The following OSBPL3 variants were observed in gnomAD, a reference collection of about 807,000 sequenced individuals.
The protein encoded by OSBPL3 is oxysterol binding protein like 3, also known as oxysterol-binding protein-related protein 3.
OSBPL3 carries 65 observed loss-of-function variants against 120.1 expected under a neutral mutation model. The observed-to-expected ratio is 0.54, with a 90% CI of 0.44 to 0.67. OSBPL3 has a LOEUF of 0.67. Ranked by LOEUF, OSBPL3 falls within the 30% of genes least tolerant of loss-of-function variation. OSBPL3 has a pLI of 0.00. For synonymous variants in OSBPL3, 416 were observed against 402.6 expected (o/e 1.03, Z -0.40); for missense variants, 1,004 against 1,082.1 (o/e 0.93, Z 1.01).
intron 10 of OSBPL3, among the ~76,000 whole-genome samples, chr7:24,857,404 C>T (rs1310607389): frequency 1.3e-5 from 2 of 152,212 alleles, no homozygotes; most frequent in Non-Finnish European, 2.9e-5. Flanking sequence ...TTGGTCATTT[C>T]TGTTTCTGCT....
At chr7:24,931,453 GCGT>G (rs1156833742) in intron 1 of OSBPL3, among the ~76,000 whole-genome samples, 1 of 152,142 alleles carries the variant, frequency 6.6e-6, no homozygotes, top group Non-Finnish European at 1.5e-5. Context: ...TTATAAGAGG[GCGT>G]CAGGAGATGT....
intron 1 of OSBPL3, among the ~76,000 whole-genome samples, chr7:24,963,285 G>C (rs994734361): frequency 2.6e-5 from 4 of 152,146 alleles, no homozygotes; most frequent in South Asian, 2.1e-4. Context: ...ACCAAAGAAG[G>C]GGGTGTTGGA....
intron 20 of OSBPL3, among the ~76,000 whole-genome samples, chr7:24,809,078 C>A (rs1018441668): frequency 2.0e-5 from 3 of 152,138 alleles, no homozygotes; most frequent in Admixed American, 6.5e-5. Flanking sequence ...GCCACCCCCC[C>A]CACTCACTTA....
chr7:24,843,187 G>A (rs1443927767), intron 12 of OSBPL3, among the ~76,000 whole-genome samples: 3 of 152,098 alleles, frequency 2.0e-5, no homozygotes, highest in Middle Eastern at 3.2e-3. Context: ...CAAGGTTTGT[G>A]GACTGAATGA....
intron 2 of OSBPL3, among the ~76,000 whole-genome samples, chr7:24,878,605 T>C (rs986514665): frequency 4.6e-5 from 7 of 152,250 alleles, no homozygotes; most frequent in Non-Finnish European, 1.0e-4. Flanking sequence ...ACCAAAACTG[T>C]ACTCACATTT....
intron 1 of OSBPL3, among the ~76,000 whole-genome samples, chr7:24,945,425 T>A (rs1034241492): frequency 6.6e-6 from 1 of 152,254 alleles, no homozygotes; most frequent in Non-Finnish European, 1.5e-5. Context: ...ATTGGAGATA[T>A]ATCAGTGACA....
In OSBPL3 at chr7:24,854,852, G is replaced by C. The variant is rs1484150736; in HGVS notation, c.1028-2218C>G. Among the ~76,000 whole-genome samples the C allele has an allele frequency of 6.6e-6, 1 of 152,212 alleles. No homozygotes were observed. Among genetic ancestry groups the C allele is most frequent in the African/African-American group, 2.4e-5 (1 of 41,446 alleles). On this transcript the variant is annotated intron_variant, in intron 10 of 22. Transcript: ENST00000313367. The surrounding 1 kb of genome is among the most constrained non-coding windows in gnomAD (Gnocchi z 4.1). ...TGGTTGTCATGAGGATTGAATGAGAGAGGGAATGCAGGTAAAGCACATAAC... is the reference window on the plus strand; with the variant it reads ...TGGTTGTCATGAGGATTGAATGAGACAGGGAATGCAGGTAAAGCACATAAC...
rs1289696642 is a variant in OSBPL3 at position 24,805,166 on chromosome 7, T to A, written c.2445-729A>T. ...TAATTTATATATTACTGAACTGCCC[T>A]TTATGGGGATCATACCCAATTTATA... On this transcript the variant is annotated intron_variant, in intron 21 of 22. Coordinates refer to ENST00000313367, the MANE Select transcript of OSBPL3 (RefSeq NM_015550.4). The surrounding 1 kb of genome is among the most constrained non-coding windows in gnomAD (Gnocchi z 4.0). Among the ~76,000 whole-genome samples the A allele has an allele frequency of 6.6e-6, 1 of 152,238 alleles. No individual in the cohort carries two copies. The highest frequency in any genetic ancestry group is 2.4e-5 in the African/African-American group (1 of 41,452).
At chr7:24,943,067 C>T (rs1382527196) in intron 1 of OSBPL3, among the ~76,000 whole-genome samples, 2 of 152,224 alleles carry the variant, frequency 1.3e-5, no homozygotes, top group Non-Finnish European at 2.9e-5. Context: ...CAACCCAGGG[C>T]TAGAAGAAAT....
At chr7:24,977,280 A>G (rs1330827118) in intron 1 of OSBPL3, among the ~76,000 whole-genome samples, 4 of 152,188 alleles carry the variant, frequency 2.6e-5, no homozygotes, top group African/African-American at 7.2e-5. Flanking sequence ...ACAAAAATCA[A>G]TGGCAGTAAG....
Position 24,834,267 on chromosome 7 carries a change from G to A in OSBPL3, c.1746+219C>T. The A allele has an allele frequency of 7.3e-7, 1 of 1,362,804 alleles. No individual in the cohort carries two copies. The highest frequency in any genetic ancestry group is 3.0e-5 in the East Asian group (1 of 33,732). 84.4% of individuals were successfully genotyped at this position (1,362,804 alleles called of 1,614,324 possible). A position where few individuals can be genotyped will look rare whatever the true frequency, so the allele number is the denominator to read the frequency against. The stretch of plus-strand genomic sequence containing the variant: ...AACAGAACTACCCCAGGCACCAAGT[G>A]CCACGGAGAAGCACCCCAACCCCGT... On this transcript the variant is annotated intron_variant, in intron 15 of 22. Coordinates refer to ENST00000313367, the MANE Select transcript of OSBPL3 (RefSeq NM_015550.4). This position sits in a 1 kb window ranked among gnomAD's most constrained non-coding sequence, Gnocchi z 5.2.
At position 24,830,646 on chromosome 7, in the gene OSBPL3, G is replaced by T; in HGVS notation, c.1884+122C>A. Reference sequence around the variant, plus strand: ...TCGATCCCTCCCTTTATGTTGAAAAGCACTGTAATTATCTCGGCTGCTTTG... The same window carrying T: ...TCGATCCCTCCCTTTATGTTGAAAATCACTGTAATTATCTCGGCTGCTTTG... On this transcript the variant is annotated intron_variant, in intron 16 of 22. Coordinates refer to ENST00000313367, the MANE Select transcript of OSBPL3 (RefSeq NM_015550.4). This position sits in a 1 kb window ranked among gnomAD's most constrained non-coding sequence, Gnocchi z 4.4. 1 of 980,480 alleles carries T rather than the reference G, an allele frequency of 1.0e-6. No individual in the cohort carries two copies. Among genetic ancestry groups the T allele is most frequent in the South Asian group, 1.7e-5 (1 of 59,456 alleles). 60.7% of individuals were successfully genotyped at this position (980,480 alleles called of 1,614,324 possible).
chr7:24,951,450 AAT>A (rs1297394465), intron 1 of OSBPL3, among the ~76,000 whole-genome samples: 2 of 152,246 alleles, frequency 1.3e-5, no homozygotes, highest in Non-Finnish European at 2.9e-5. Flanking sequence ...AATGTTATTA[AAT>A]ATATACATCA....
intron 1 of OSBPL3, among the ~76,000 whole-genome samples, chr7:24,974,266 C>T (rs182559012): frequency 6.6e-6 from 1 of 152,150 alleles, no homozygotes; most frequent in East Asian, 1.9e-4. Context: ...CCCTCCTCAC[C>T]CCCAGATTAT....
At chr7:24,842,105 A>G (rs895739184) in intron 13 of OSBPL3, among the ~76,000 whole-genome samples, 174 bp downstream of exon 13, 1 of 152,154 alleles carries the variant, frequency 6.6e-6, no homozygotes, top group East Asian at 1.9e-4. Context: ...CTTCTCACAT[A>G]TAGTATCATT....
intron 19 of OSBPL3, 117 bp from the exon 20 acceptor site, chr7:24,810,068 T>C (rs1402051027): frequency 3.7e-6 from 4 of 1,083,548 alleles, no homozygotes; most frequent in East Asian, 2.4e-5. Flanking sequence ...ATACTGCATA[T>C]TAGTTTGCTA....
At position 24,973,976 on chromosome 7, in the gene OSBPL3, A is replaced by C. The variant is rs568852782; in HGVS notation, c.-150+5910T>G. Among the ~76,000 whole-genome samples, 5 of 152,344 alleles carry C rather than the reference A, an allele frequency of 3.3e-5. 1 individual carries two copies. The South Asian group carries it at 1.0e-3, about 32-fold the overall frequency. ...AGTAGACAAAGAGTAAAAGAAAACA[A>C]GTTAGTTTTAATTACACAGTATTAC... On this transcript the variant is annotated intron_variant, in intron 1 of 22. Coordinates refer to ENST00000313367, the MANE Select transcript of OSBPL3 (RefSeq NM_015550.4).
intron 1 of OSBPL3, among the ~76,000 whole-genome samples, chr7:24,942,896 T>C (rs953844582): frequency 3.3e-5 from 5 of 152,172 alleles, no homozygotes; most frequent in Non-Finnish European, 7.4e-5. Flanking sequence ...CCTGTCACTG[T>C]ACAGATTTCA....
At chr7:24,869,555 G>A (rs1010126556) in intron 5 of OSBPL3, among the ~76,000 whole-genome samples, 1 of 152,208 alleles carries the variant, frequency 6.6e-6, no homozygotes, top group African/African-American at 2.4e-5. Flanking sequence ...GTCATAACTG[G>A]AGAAGGATGC....
Sources: allele counts gnomAD v4.1 joint callset (sites outside exome capture counted in the v4.1 genomes callset), GRCh38; gene constraint gnomAD v4.1.1; non-coding constraint Gnocchi (gnomAD v3.1); transcripts MANE v1.5; gene names NCBI Gene and HGNC (gene_info 2026-07-23, HGNC 2026-07-21).